BMPR1B: variants seen among roughly 807,000 people sequenced by gnomAD.
The protein encoded by BMPR1B is bone morphogenetic protein receptor type 1B.
A neutral mutation model predicts 59.1 loss-of-function variants in BMPR1B; 12 were observed. The observed-to-expected ratio is 0.20, with a 90% CI of 0.13 to 0.33. The LOEUF is 0.33. BMPR1B is among the 10% of genes least tolerant of loss of function. The pLI is 1.00. For missense variants in BMPR1B, 550 were observed against 610.9 expected (o/e 0.90, Z 1.05); for synonymous variants, 237 against 207.3 (o/e 1.14, Z -1.23).
chr4:95,009,891 G>T (rs191443695), intron 3 of BMPR1B, among the ~76,000 whole-genome samples: 50 of 152,248 alleles, frequency 3.3e-4, no homozygotes, highest in Admixed American at 3.1e-3. Context: ...TCCTCTTTCC[G>T]TGTGGAGAAT....
Position 94,921,196 on chromosome 4 carries a change from A to G in BMPR1B, c.-113+45296A>G, listed in dbSNP as rs530355578. ...TTTCCTCCAGATATTGAAACAGGATATTTTTGAGGTACAATATGACCTCAG... is the reference window on the plus strand; with the variant it reads ...TTTCCTCCAGATATTGAAACAGGATGTTTTTGAGGTACAATATGACCTCAG... On this transcript the variant is annotated intron_variant, in intron 2 of 12. Transcript: ENST00000515059. 7.2e-5 allele frequency among the ~76,000 whole-genome samples: 11 copies of G among 152,142 alleles called. No homozygotes were observed. The South Asian group carries it at 2.3e-3, about 32-fold the overall frequency.
intron 3 of BMPR1B, among the ~76,000 whole-genome samples, chr4:95,047,638 GCAC>G (rs1726147704): frequency 6.6e-6 from 1 of 152,112 alleles, no homozygotes; most frequent in Non-Finnish European, 1.5e-5. Flanking sequence ...AAGTCACTAA[GCAC>G]AGCTTAGAGT....
At chr4:94,772,654 C>G (rs1722226860) in intron 1 of BMPR1B, among the ~76,000 whole-genome samples, 1 of 152,016 alleles carries the variant, frequency 6.6e-6, no homozygotes, top group Admixed American at 6.6e-5. Flanking sequence ...AAATAGAAAG[C>G]TTCCTTAGTG....
intron 2 of BMPR1B, among the ~76,000 whole-genome samples, chr4:94,980,997 A>ACACACACGCGCGCGTACGCGCGCG (rs1427892739): frequency 7.2e-5 from 4 of 55,866 alleles, no homozygotes; most frequent in Non-Finnish European, 1.1e-4. Context: ...TCCATCACAC[A>ACACACACGCGCGCGTACGCGCGCG]CACACACACA....
chr4:95,042,960 G>A (rs1725764301), intron 3 of BMPR1B, among the ~76,000 whole-genome samples: 1 of 151,372 alleles, frequency 6.6e-6, no homozygotes, highest in South Asian at 2.1e-4. Context: ...TGGATCATGA[G>A]GTCAGGAGAT....
At chr4:95,089,116 T>G (rs1437598069) in intron 3 of BMPR1B, among the ~76,000 whole-genome samples, 1 of 152,168 alleles carries the variant, frequency 6.6e-6, no homozygotes, top group Non-Finnish European at 1.5e-5. Context: ...TACAATGTAT[T>G]TATTTCTTAA....
At chr4:95,030,472 C>T (rs1028720108) in intron 3 of BMPR1B, among the ~76,000 whole-genome samples, 3 of 152,054 alleles carry the variant, frequency 2.0e-5, no homozygotes. Context: ...TTCAGGGATG[C>T]CCTCTCTCAC....
chr4:94,890,868 T>C (rs191669251), intron 2 of BMPR1B, among the ~76,000 whole-genome samples: 7 of 152,020 alleles, frequency 4.6e-5, no homozygotes, highest in East Asian at 1.9e-4. Flanking sequence ...TACCATCACA[T>C]TGGGGGTTAG....
chr4:95,095,722 A>T (rs1202356583), intron 3 of BMPR1B, among the ~76,000 whole-genome samples: 1 of 152,034 alleles, frequency 6.6e-6, no homozygotes, highest in Non-Finnish European at 1.5e-5. Flanking sequence ...TCTCATATCC[A>T]TTTCTAAGTG....
At chr4:95,026,098 A>ATTTCTTTCTTTCTTTCTTTCCTTC (rs1724344812) in intron 3 of BMPR1B, among the ~76,000 whole-genome samples, 1 of 101,622 alleles carries the variant, frequency 9.8e-6, no homozygotes, top group Non-Finnish European at 2.1e-5. Flanking sequence ...GCTTTCTTTC[A>ATTTCTTTCTTTCTTTCTTTCCTTC]TTTCTTTCTT....
chr4:94,881,159 T>C (rs1204499755), intron 2 of BMPR1B, among the ~76,000 whole-genome samples: 2 of 152,116 alleles, frequency 1.3e-5, no homozygotes, highest in African/African-American at 4.8e-5. Flanking sequence ...CTCAAGAACA[T>C]TTTCATCTTC....
chr4:94,818,642 T>C (rs914771919), intron 1 of BMPR1B, among the ~76,000 whole-genome samples: 5 of 152,180 alleles, frequency 3.3e-5, no homozygotes, highest in African/African-American at 1.2e-4. Context: ...GCTCCTGAAT[T>C]GTAGTCAAGA....
chr4:94,953,875 C>T (rs909819942), intron 2 of BMPR1B, among the ~76,000 whole-genome samples: 12 of 152,162 alleles, frequency 7.9e-5, no homozygotes, highest in Non-Finnish European at 1.6e-4. Context: ...CCATTCTCCA[C>T]ATCACTTTCA....
intron 2 of BMPR1B, among the ~76,000 whole-genome samples, chr4:94,947,504 A>AT (rs1265739177): frequency 1.3e-5 from 2 of 152,216 alleles, no homozygotes; most frequent in Admixed American, 1.3e-4. Context: ...TTGTTCATTT[A>AT]TGTTAATTTA....
At chr4:95,141,903 G>A (rs928959976) in intron 10 of BMPR1B, among the ~76,000 whole-genome samples, 11 of 152,158 alleles carry the variant, frequency 7.2e-5, no homozygotes, top group Admixed American at 3.9e-4. Context: ...AGCTTAGTTC[G>A]GAGGGTACTG....
chr4:95,051,574 A>C (rs1037698115), intron 3 of BMPR1B: 28 of 813,636 alleles, frequency 3.4e-5, no homozygotes, highest in Non-Finnish European at 5.3e-5. Context: ...GTCCTGTCTC[A>C]GGGTTGCTGG....
intron 1 of BMPR1B, among the ~76,000 whole-genome samples, chr4:94,791,934 A>G (rs1465375721): frequency 1.3e-5 from 2 of 152,048 alleles, no homozygotes; most frequent in East Asian, 3.8e-4. Flanking sequence ...GGTTGCTTTA[A>G]AAACTTCTTT....
chr4:95,046,666 T>C (rs1262962139), intron 3 of BMPR1B, among the ~76,000 whole-genome samples: 1 of 152,188 alleles, frequency 6.6e-6, no homozygotes, highest in East Asian at 1.9e-4. Flanking sequence ...CACATATTAG[T>C]AGTACTCTCC....
intron 3 of BMPR1B, among the ~76,000 whole-genome samples, chr4:95,009,072 G>C (rs1040253270): frequency 2.6e-5 from 4 of 151,996 alleles, no homozygotes; most frequent in South Asian, 2.1e-4. Context: ...GAAAAAAAAA[G>C]AGTGATGTAT....
Sources: gnomAD v4.1 joint callset for allele counts (sites outside exome capture counted in the v4.1 genomes callset) on GRCh38, gnomAD v4.1.1 for gene constraint, MANE v1.5 for transcripts, NCBI Gene and HGNC (gene_info 2026-07-23, HGNC 2026-07-21) for gene names.